AKAP7: variants seen among roughly 807,000 people sequenced by gnomAD.
AKAP7 encodes A kinase (PRKA) anchor protein 7.
AKAP7 carries 39 observed loss-of-function variants against 39.5 expected under a neutral mutation model. The ratio of observed to expected loss-of-function variants is 0.99; its 90% CI spans 0.76 to 1.29. The LOEUF is 1.29. AKAP7 is among the 50% of genes most tolerant of loss of function. The pLI, the probability that AKAP7 is intolerant of heterozygous loss-of-function variation, is 0.00. For missense variants in AKAP7, 414 were observed against 407.7 expected, an observed-to-expected ratio of 1.02 and a Z score of -0.13; for synonymous variants, 140 against 139.1, an observed-to-expected ratio of 1.01 and a Z score of -0.05.
chr6:131,133,966 G>C (rs955261893), upstream of AKAP7, among the ~76,000 whole-genome samples: 2 of 152,248 alleles, frequency 1.3e-5, no homozygotes, highest in Admixed American at 6.5e-5. Context: ...GAGTGGTAAA[G>C]CTTTGTTGTT....
At chr6:131,143,027 A>G (rs1214319863) in intron 1 of AKAP7, among the ~76,000 whole-genome samples, 1 of 152,094 alleles carries the variant, frequency 6.6e-6, no homozygotes, top group Non-Finnish European at 1.5e-5. Context: ...TTTACACAAT[A>G]CCTGTACCAC....
At chr6:131,204,578 C>A (rs758699964) in intron 6 of AKAP7, among the ~76,000 whole-genome samples, 2 of 152,144 alleles carry the variant, frequency 1.3e-5, no homozygotes, top group African/African-American at 2.4e-5. Context: ...ATAGAACTGA[C>A]CTTAATGTCA....
At chr6:131,220,273 A>G (rs1809584736) in intron 7 of AKAP7, among the ~76,000 whole-genome samples, 1 of 152,168 alleles carries the variant, frequency 6.6e-6, no homozygotes, top group Non-Finnish European at 1.5e-5. Context: ...CTTCCCTAAA[A>G]AAGATGTTTT....
At chr6:131,185,965 T>G (rs1322527467) in intron 5 of AKAP7, among the ~76,000 whole-genome samples, 1 of 152,236 alleles carries the variant, frequency 6.6e-6, no homozygotes, top group Non-Finnish European at 1.5e-5. Context: ...TGTTTAGATC[T>G]TTGATCCATT....
At chr6:131,142,106 G>T (rs1340667661) in intron 1 of AKAP7, among the ~76,000 whole-genome samples, 1 of 152,020 alleles carries the variant, frequency 6.6e-6, no homozygotes, top group Admixed American at 6.6e-5. Flanking sequence ...TGGAAAATTT[G>T]CAGCTTAGGC....
At chr6:131,145,995 G>C (rs1049742238) in intron 2 of AKAP7, among the ~76,000 whole-genome samples, 24 of 152,236 alleles carry the variant, frequency 1.6e-4, no homozygotes, top group South Asian at 4.1e-4. Flanking sequence ...AGCTACTTCT[G>C]AAAATAATGG....
At chr6:131,276,909 G>A (rs1814791003) in intron 7 of AKAP7, among the ~76,000 whole-genome samples, 1 of 152,084 alleles carries the variant, frequency 6.6e-6, no homozygotes, top group South Asian at 2.1e-4. Context: ...CAGTTAAGCT[G>A]TTGTTGGGTC....
At chr6:131,181,808 GACA>G (rs1805278319) in intron 5 of AKAP7, among the ~76,000 whole-genome samples, 1 of 152,032 alleles carries the variant, frequency 6.6e-6, no homozygotes, top group Non-Finnish European at 1.5e-5. Context: ...CACATGATCA[GACA>G]ACAGCCACTG....
intron 7 of AKAP7, among the ~76,000 whole-genome samples, chr6:131,231,612 A>G (rs1810627212): frequency 2.0e-5 from 3 of 152,156 alleles, no homozygotes. Flanking sequence ...TTATTTTATG[A>G]CATACAAATT....
chr6:131,219,712 T>G lies in AKAP7; in HGVS notation c.754T>G (p.Phe252Val), dbSNP rs780371314. Residue 252 changes from phenylalanine to valine, a missense_variant, in exon 7 of 8, where the codon TTT (phenylalanine) becomes GTT (valine). Phe to Val is a conservative substitution (Grantham distance 50). Coordinates refer to ENST00000431975, the MANE Select transcript of AKAP7 (RefSeq NM_016377.4). ...DLYEKFISHR[F>V]GEEILYRIDL... Reference sequence around the variant, plus strand: ...ATATGAAAAGTTTATCAGTCACAGATTTGGAGAAGAAATATTATATCGCAT... The same window carrying G: ...ATATGAAAAGTTTATCAGTCACAGAGTTGGAGAAGAAATATTATATCGCAT... The G allele has an allele frequency of 4.4e-6, 7 of 1,598,786 alleles. No individual in the cohort carries two copies. The highest frequency in any genetic ancestry group is 6.0e-6 in the Non-Finnish European group (7 of 1,172,252).
chr6:131,138,141 A>G (rs1800735566), intron 1 of AKAP7, among the ~76,000 whole-genome samples: 1 of 152,118 alleles, frequency 6.6e-6, no homozygotes, highest in Non-Finnish European at 1.5e-5. Context: ...GCCTCTGGTA[A>G]CCATTCTTCT....
chr6:131,265,139 T>G (rs1813674685), intron 7 of AKAP7, among the ~76,000 whole-genome samples: 1 of 152,200 alleles, frequency 6.6e-6, no homozygotes, highest in African/African-American at 2.4e-5. Flanking sequence ...TGTATTATTT[T>G]CTTTCTTTTT....
At chr6:131,206,368 A>AAAT (rs1808097950) in intron 6 of AKAP7, among the ~76,000 whole-genome samples, 1 of 152,204 alleles carries the variant, frequency 6.6e-6, no homozygotes, top group African/African-American at 2.4e-5. Context: ...TGAACTTTGA[A>AAAT]AATTATTAGC....
intron 5 of AKAP7, among the ~76,000 whole-genome samples, chr6:131,171,833 G>A (rs1804082500): frequency 6.6e-6 from 1 of 152,186 alleles, no homozygotes; most frequent in South Asian, 2.1e-4. Context: ...TGTCAAGAGA[G>A]TGGTAGAATG....
At chr6:131,170,146 G>T (rs571637796) in intron 5 of AKAP7, among the ~76,000 whole-genome samples, 1 of 116,336 alleles carries the variant, frequency 8.6e-6, no homozygotes, top group East Asian at 2.7e-4. Flanking sequence ...GGGGACTGTT[G>T]TGGGGTGGGG....
At chr6:131,273,267 T>C (rs948478775) in intron 7 of AKAP7, among the ~76,000 whole-genome samples, 1 of 152,292 alleles carries the variant, frequency 6.6e-6, no homozygotes, top group East Asian at 1.9e-4. Flanking sequence ...GATTTTTTAA[T>C]CCAAATCAAC....
intron 7 of AKAP7, among the ~76,000 whole-genome samples, chr6:131,249,222 AAAC>A (rs1431151527): frequency 1.3e-5 from 2 of 152,200 alleles, no homozygotes; most frequent in Non-Finnish European, 2.9e-5. Context: ...TGACATATAA[AAAC>A]AACTGTGTTC....
intron 7 of AKAP7, among the ~76,000 whole-genome samples, chr6:131,220,256 TCA>T (rs1809581939): frequency 1.3e-5 from 2 of 152,148 alleles, no homozygotes; most frequent in Admixed American, 6.6e-5. Context: ...ATTGAAAACT[TCA>T]CTTTCTTCCC....
At position 131,200,000 on chromosome 6, in the gene AKAP7, G is replaced by A. The variant is rs996956737; in HGVS notation, c.702+427G>A. The A allele has an allele frequency of 5.3e-5, 10 of 189,746 alleles. No individual in the cohort carries two copies. The South Asian group carries it at 7.5e-4, about 14-fold the overall frequency. 11.8% of individuals were successfully genotyped at this position (189,746 alleles called of 1,614,324 possible). On this transcript the variant is annotated intron_variant, in intron 6 of 7. Transcript: ENST00000431975. ...AGCTTTTTTTACCCCTCTTCCTGTC[G>A]CTCTTCAAGGTTTCCAAAAGACCAT... is the stretch of plus-strand genomic sequence containing the variant.
Sources: allele counts gnomAD v4.1 joint callset (sites outside exome capture counted in the v4.1 genomes callset), GRCh38; gene constraint gnomAD v4.1.1; transcripts MANE v1.5; gene names NCBI Gene and HGNC (gene_info 2026-07-23, HGNC 2026-07-21).